SEPTIN9: variants seen among roughly 807,000 people sequenced by gnomAD.
SEPTIN9 encodes the protein septin 9, also known as septin-9.
SEPTIN9 carries 13 observed loss-of-function variants against 56.6 expected under a neutral mutation model. That is an observed-to-expected ratio of 0.23 (90% CI 0.15 to 0.37). The LOEUF (loss-of-function observed/expected upper bound fraction) is 0.37. SEPTIN9 is among the 10% of genes least tolerant of loss of function. The probability of loss-of-function intolerance (pLI) is 1.00; values close to 1 mark genes in which losing one functional copy is unlikely to be tolerated. For missense variants in SEPTIN9, 650 were observed against 823.1 expected (o/e 0.79, Z 2.57); for synonymous variants, 332 against 334.1 (o/e 0.99, Z 0.07).
chr17:77,491,689 C>A (rs1318462498), intron 8 of SEPTIN9, among the ~76,000 whole-genome samples: 1 of 151,618 alleles, frequency 6.6e-6, no homozygotes, highest in Non-Finnish European at 1.5e-5. Flanking sequence ...GCCTGTAGTC[C>A]CAGCTACTTG....
At chr17:77,339,092 G>C (rs948960964) in intron 2 of SEPTIN9, among the ~76,000 whole-genome samples, 1 of 152,156 alleles carries the variant, frequency 6.6e-6, no homozygotes, top group African/African-American at 2.4e-5. Flanking sequence ...CACCACATCT[G>C]CAGTGACTTC....
intron 2 of SEPTIN9, among the ~76,000 whole-genome samples, chr17:77,359,902 T>C (rs190372343): frequency 6.6e-6 from 1 of 152,160 alleles, no homozygotes; most frequent in Admixed American, 6.5e-5. Context: ...CAGTGGCTCA[T>C]GCCTGTAATC....
chr17:77,356,084 C>A (rs1598243983), intron 2 of SEPTIN9, among the ~76,000 whole-genome samples: 1 of 152,184 alleles, frequency 6.6e-6, no homozygotes, highest in East Asian at 1.9e-4. Flanking sequence ...CATCTCTAGA[C>A]CCGGACATAA....
At chr17:77,385,088 C>T (rs2035286335) in intron 2 of SEPTIN9, among the ~76,000 whole-genome samples, 1 of 151,668 alleles carries the variant, frequency 6.6e-6, no homozygotes, top group African/African-American at 2.4e-5. Flanking sequence ...TCCCAACACT[C>T]TGGGAGGCTG....
Position 77,320,339 on chromosome 17 carries a change from C to T in SEPTIN9, c.76+13142C>T, listed in dbSNP as rs370646966. On this transcript the variant is annotated intron_variant, in intron 2 of 11. Coordinates refer to ENST00000427177, the MANE Select transcript of SEPTIN9 (RefSeq NM_001113491.2). ...TATATCCGTAGGAATGGAGAGGGAC[C>T]GGATCTCAGGTACGCAGACAGCCCC... The T allele has an allele frequency of 1.5e-5, 24 of 1,612,934 alleles. No homozygotes were observed. The highest frequency in any genetic ancestry group is 6.6e-5 in the South Asian group (6 of 91,052).
At chr17:77,324,021 G>A (rs952504806) in intron 2 of SEPTIN9, among the ~76,000 whole-genome samples, 5 of 152,206 alleles carry the variant, frequency 3.3e-5, no homozygotes, top group South Asian at 4.1e-4. Context: ...GAGGCTCCGA[G>A]GGGGAGCCTG....
At chr17:77,397,507 A>G (rs1351139553) in intron 2 of SEPTIN9, among the ~76,000 whole-genome samples, 1 of 152,290 alleles carries the variant, frequency 6.6e-6, no homozygotes, top group Middle Eastern at 3.4e-3. Context: ...GGTATTAGAC[A>G]TGTCTTTTTG....
chr17:77,367,271 C>A lies in SEPTIN9; in HGVS notation c.77-34788C>A, dbSNP rs2034598685. ...GTGGAAACCATGCACTGTCTGTGAT[C>A]CTGGGCATGTCGAGGCTGGAGCAGG... On this transcript the variant is annotated intron_variant, in intron 2 of 11. Coordinates refer to ENST00000427177, the MANE Select transcript of SEPTIN9 (RefSeq NM_001113491.2). This position sits in a 1 kb window ranked among gnomAD's most constrained non-coding sequence, Gnocchi z 4.5. Among the ~76,000 whole-genome samples the A allele has an allele frequency of 6.6e-6, 1 of 152,196 alleles. No individual in the cohort carries two copies. Among genetic ancestry groups the A allele is most frequent in the Non-Finnish European group, 1.5e-5 (1 of 68,038 alleles).
intron 3 of SEPTIN9, among the ~76,000 whole-genome samples, chr17:77,424,603 C>CTCGG (rs909260629): frequency 7.2e-5 from 11 of 152,184 alleles, no homozygotes; most frequent in Admixed American, 3.9e-4. Flanking sequence ...CTGTGAGGGC[C>CTCGG]TCGGGGTCCC....
chr17:77,481,807 G>A (rs922930811), intron 3 of SEPTIN9: 8 of 358,470 alleles, frequency 2.2e-5, no homozygotes, highest in Non-Finnish European at 4.1e-5. Flanking sequence ...AGGGTACGGA[G>A]ACAGGAGTTC....
chr17:77,485,463 G>A (rs1406159428), intron 4 of SEPTIN9, among the ~76,000 whole-genome samples: 1 of 151,702 alleles, frequency 6.6e-6, no homozygotes, highest in Non-Finnish European at 1.5e-5. Context: ...GATGGCGGGA[G>A]TGATGGGATG....
intron 2 of SEPTIN9, among the ~76,000 whole-genome samples, chr17:77,333,753 T>G (rs895964589): frequency 6.6e-6 from 1 of 152,168 alleles, no homozygotes; most frequent in Non-Finnish European, 1.5e-5. Flanking sequence ...AGGTAGAGGG[T>G]CAGGGTTCAT....
intron 3 of SEPTIN9, among the ~76,000 whole-genome samples, chr17:77,413,408 AT>A (rs1184324129): frequency 6.6e-6 from 1 of 152,136 alleles, no homozygotes; most frequent in Non-Finnish European, 1.5e-5. Context: ...CTTTTAGCTT[AT>A]TTAAAATCCG....
At chr17:77,295,870 G>T (rs1036673941) in intron 1 of SEPTIN9, among the ~76,000 whole-genome samples, 1 of 151,928 alleles carries the variant, frequency 6.6e-6, no homozygotes, top group Non-Finnish European at 1.5e-5. Context: ...ATCTTCTGGG[G>T]AGTTTGGTCA....
At chr17:77,417,178 C>T (rs2036535234) in intron 3 of SEPTIN9, among the ~76,000 whole-genome samples, 1 of 152,218 alleles carries the variant, frequency 6.6e-6, no homozygotes, top group African/African-American at 2.4e-5. Flanking sequence ...GAAGTGTACT[C>T]ATGTGCCCAG....
chr17:77,429,391 G>A lies in SEPTIN9; in HGVS notation c.721+26688G>A, dbSNP rs1156571632. 18 of 423,786 alleles carry A rather than the reference G, an allele frequency of 4.2e-5. No homozygotes were observed. In the East Asian group the frequency reaches 4.3e-4, roughly 10 times the overall value. The allele number at this position is 423,786 out of a possible 1,614,324, so 26.3% of individuals were successfully genotyped here. On this transcript the variant is annotated intron_variant, in intron 3 of 11. Transcript: ENST00000427177. The surrounding 1 kb of genome is among the most constrained non-coding windows in gnomAD (Gnocchi z 5.2). ...CAGGTTGCAAAATGGGGACATCACC[G>A]TCCGCCTGGGCTACAGCGTGCTCGC...
intron 3 of SEPTIN9, among the ~76,000 whole-genome samples, chr17:77,428,355 C>T (rs1247575005): frequency 2.6e-5 from 4 of 152,214 alleles, no homozygotes; most frequent in African/African-American, 9.7e-5. Context: ...ACTGGGGAGA[C>T]AGGCGAAGCG....
At chr17:77,461,841 C>T (rs1175895972) in intron 3 of SEPTIN9, among the ~76,000 whole-genome samples, 1 of 152,206 alleles carries the variant, frequency 6.6e-6, no homozygotes, top group Non-Finnish European at 1.5e-5. Flanking sequence ...CATGTTGCGG[C>T]TCTGGTGTCC....
intron 3 of SEPTIN9, among the ~76,000 whole-genome samples, chr17:77,442,639 G>A (rs2037591778): frequency 6.6e-6 from 1 of 151,782 alleles, no homozygotes; most frequent in Non-Finnish European, 1.5e-5. Context: ...TCGGGAGGCC[G>A]AGGCAGGTGG....
Sources: gnomAD v4.1 joint callset for allele counts (sites outside exome capture counted in the v4.1 genomes callset) on GRCh38, gnomAD v4.1.1 for gene constraint, Gnocchi (gnomAD v3.1) non-coding constraint, MANE v1.5 for transcripts, NCBI Gene and HGNC (gene_info 2026-07-23, HGNC 2026-07-21) for gene names.